GTF2IRD1: variants seen among roughly 807,000 people sequenced by gnomAD.
GTF2IRD1 encodes the protein GTF2I repeat domain containing 1.
A neutral mutation model predicts 113.2 loss-of-function variants in GTF2IRD1; 26 were observed. That is an observed-to-expected ratio of 0.23 (90% CI 0.17 to 0.32). The LOEUF (loss-of-function observed/expected upper bound fraction) is 0.32. Among genes scored for constraint, GTF2IRD1 ranks in the 10% least tolerant of loss-of-function variants. The pLI is 1.00. For missense variants in GTF2IRD1, 864 were observed against 1,280.8 expected (o/e 0.67, Z 4.97); for synonymous variants, 484 against 529.1 (o/e 0.91, Z 1.17).
intron 17 of GTF2IRD1, among the ~76,000 whole-genome samples, chr7:74,551,333 A>C (rs1358206946): frequency 6.6e-6 from 1 of 152,042 alleles, no homozygotes; most frequent in African/African-American, 2.4e-5. Flanking sequence ...ACAGAGCGAG[A>C]CTCCTTCTCA....
At chr7:74,538,854 C>T (rs1583830401) in intron 13 of GTF2IRD1, 94 bp downstream of exon 13, 3 of 718,438 alleles carry the variant, frequency 4.2e-6, no homozygotes, top group East Asian at 2.5e-5. Flanking sequence ...GGCCTCCAGG[C>T]CGCTGTTTCT....
intron 22 of GTF2IRD1, among the ~76,000 whole-genome samples, chr7:74,575,639 G>A (rs1554364306): frequency 6.6e-6 from 1 of 152,206 alleles, no homozygotes; most frequent in Non-Finnish European, 1.5e-5. Context: ...GCTGATATAA[G>A]CTGTGAGAAA....
At chr7:74,587,998 G>A (rs1159864210) in intron 22 of GTF2IRD1, among the ~76,000 whole-genome samples, 9 of 152,134 alleles carry the variant, frequency 5.9e-5, no homozygotes, top group South Asian at 2.1e-4. Context: ...CAGTGACACC[G>A]GCCCCTGTGC....
At chr7:74,573,469 T>TG (rs1800815915) in intron 22 of GTF2IRD1, among the ~76,000 whole-genome samples, 2 of 151,742 alleles carry the variant, frequency 1.3e-5, no homozygotes, top group Admixed American at 1.3e-4. Context: ...GGAGCAGGGT[T>TG]GGGGGCGCCT....
intron 4 of GTF2IRD1, among the ~76,000 whole-genome samples, chr7:74,516,752 CA>C (rs1796952545): frequency 6.6e-6 from 1 of 152,160 alleles, no homozygotes; most frequent in Non-Finnish European, 1.5e-5. Context: ...ACACTTTTGC[CA>C]GCTGCAGGGC....
intron 14 of GTF2IRD1, among the ~76,000 whole-genome samples, 181 bp downstream of exon 14, chr7:74,540,149 CTATT>C (rs1798549539): frequency 6.6e-6 from 1 of 151,984 alleles, no homozygotes. Flanking sequence ...CAAGTAGGCT[CTATT>C]TATTTATTTA....
chr7:74,546,468 C>T (rs1249678645), intron 16 of GTF2IRD1, among the ~76,000 whole-genome samples: 3 of 152,124 alleles, frequency 2.0e-5, no homozygotes, highest in Admixed American at 2.0e-4. Context: ...GCGATCTACC[C>T]ACCTTGGCCT....
intron 23 of GTF2IRD1, 60 bp from the exon 24 acceptor site, chr7:74,590,765 A>G: frequency 2.5e-6 from 3 of 1,196,928 alleles, no homozygotes; most frequent in Non-Finnish European, 3.6e-6. Flanking sequence ...CCCTTTCCCT[A>G]GAGGGCTTTG....
chr7:74,467,926 C>T (rs1460288973), intron 1 of GTF2IRD1, among the ~76,000 whole-genome samples: 4 of 152,168 alleles, frequency 2.6e-5, no homozygotes, highest in African/African-American at 7.2e-5. Flanking sequence ...AACTCCTGTC[C>T]TCAGGTGATC....
rs764322305 is a variant in GTF2IRD1, at chr7:74,512,638, A to G, written c.124-192A>G. Among the ~76,000 whole-genome samples, 4 of 152,196 alleles carry G rather than the reference A, an allele frequency of 2.6e-5. No individual in the cohort carries two copies. The highest frequency in any genetic ancestry group is 9.6e-5 in the African/African-American group (4 of 41,460). ...TGTCCTCCTCCACCCCCCATCGCCA[A>G]TGCCTGCAGGGCCATTTCATTCAGT... On this transcript the variant is annotated intron_variant, in intron 2 of 26. Coordinates refer to ENST00000424337, the MANE Select transcript of GTF2IRD1 (RefSeq NM_005685.4). The surrounding 1 kb of genome is among the most constrained non-coding windows in gnomAD (Gnocchi z 4.4).
intron 1 of GTF2IRD1, among the ~76,000 whole-genome samples, chr7:74,477,299 G>T (rs1250753861): frequency 6.6e-6 from 1 of 151,734 alleles, no homozygotes; most frequent in East Asian, 1.9e-4. Context: ...GAGAGACAGA[G>T]GTTGCAGTGA....
At chr7:74,504,297 G>A (rs946739675) in intron 1 of GTF2IRD1, among the ~76,000 whole-genome samples, 14 of 152,164 alleles carry the variant, frequency 9.2e-5, no homozygotes, top group African/African-American at 3.1e-4. Context: ...TCTTCCTTGC[G>A]AGTGTCTGCG....
At position 74,521,264 on chromosome 7, in the gene GTF2IRD1, C is replaced by T. The variant is rs863223350; in HGVS notation, c.973C>T (p.Arg325Cys). The stretch of plus-strand genomic sequence containing the variant: ...CATCCAGAACGTCCATGCCTCCAAG[C>T]GCATTCTCTTCTCCATCGTCCATGA... ...PLIQNVHASK[R>C]ILFSIVHDKS... Residue 325 changes from arginine to cysteine, a missense_variant, in exon 7 of 27, where the codon CGC becomes TGC. Arg to Cys is a radical substitution (Grantham distance 180). Transcript: ENST00000424337. 3.1e-6 allele frequency: 5 copies of T among 1,611,390 alleles called. No homozygotes were observed. Among genetic ancestry groups the T allele is most frequent in the Non-Finnish European group, 4.2e-6 (5 of 1,177,822 alleles).
At chr7:74,518,353 T>TGGGCC (rs782530086) in intron 5 of GTF2IRD1, 31 bp downstream of exon 5, 2 of 1,535,046 alleles carry the variant, frequency 1.3e-6, no homozygotes, top group African/African-American at 1.4e-5. Flanking sequence ...GGGGCTGGGC[T>TGGGCC]GGGGCTGGGC....
chr7:74,457,417 T>TTGAATGAA (rs1218989923), intron 1 of GTF2IRD1, among the ~76,000 whole-genome samples: 1 of 152,158 alleles, frequency 6.6e-6, no homozygotes, highest in Non-Finnish European at 1.5e-5. Context: ...GGCTACATGT[T>TTGAATGAA]TGAATGAATG....
At chr7:74,568,903 G>C (rs782386694) in intron 22 of GTF2IRD1, among the ~76,000 whole-genome samples, 6 of 152,168 alleles carry the variant, frequency 3.9e-5, no homozygotes, top group Non-Finnish European at 8.8e-5. Context: ...GGATCACCAA[G>C]AGGTTCAGGA....
chr7:74,485,566 G>A (rs559455015), intron 1 of GTF2IRD1, among the ~76,000 whole-genome samples: 5 of 151,472 alleles, frequency 3.3e-5, no homozygotes, highest in African/African-American at 7.3e-5. Context: ...GCAGTGAGCC[G>A]AGATAGTGCC....
intron 8 of GTF2IRD1, among the ~76,000 whole-genome samples, chr7:74,526,616 G>A (rs1362812850): frequency 2.6e-5 from 4 of 152,232 alleles, no homozygotes; most frequent in Non-Finnish European, 4.4e-5. Flanking sequence ...ACTGCATGAA[G>A]GCAGCCCCTT....
chr7:74,579,843 G>A (rs1261483940), intron 22 of GTF2IRD1, among the ~76,000 whole-genome samples: 4 of 152,114 alleles, frequency 2.6e-5, no homozygotes, highest in East Asian at 1.9e-4. Context: ...AGGGCAGGCT[G>A]TGGTAGGGGA....
Sources: gnomAD v4.1 joint callset for allele counts (sites outside exome capture counted in the v4.1 genomes callset) on GRCh38, gnomAD v4.1.1 for gene constraint, Gnocchi (gnomAD v3.1) non-coding constraint, MANE v1.5 for transcripts, NCBI Gene and HGNC (gene_info 2026-07-23, HGNC 2026-07-21) for gene names.